Variants in KIAA1217 observed in about 807,000 individuals in gnomAD.
KIAA1217 encodes the protein KIAA1217, also known as sickle tail protein homolog.
Under a neutral mutation model 163.9 loss-of-function variants are expected in KIAA1217, and 88 were observed. The ratio of observed to expected loss-of-function variants is 0.54; its 90% CI spans 0.45 to 0.64. KIAA1217 has a LOEUF of 0.64. KIAA1217 is among the 30% of genes least tolerant of loss of function. The probability of loss-of-function intolerance (pLI) is 0.00; values close to 1 mark genes in which losing one functional copy is unlikely to be tolerated. For synonymous variants in KIAA1217, 903 were observed against 923.1 expected, an observed-to-expected ratio of 0.98 and a Z score of 0.39; for missense variants, 2,372 against 2,475.0, an observed-to-expected ratio of 0.96 and a Z score of 0.88.
chr10:23,712,796 C>T (rs1180784884), intron 1 of KIAA1217, among the ~76,000 whole-genome samples: 1 of 151,962 alleles, frequency 6.6e-6, no homozygotes, highest in African/African-American at 2.4e-5. Context: ...GCTATAAATA[C>T]CAGTTAATTA....
intron 2 of KIAA1217, among the ~76,000 whole-genome samples, chr10:24,273,010 C>T (rs997160627): frequency 2.6e-5 from 4 of 152,150 alleles, no homozygotes; most frequent in Non-Finnish European, 5.9e-5. Flanking sequence ...TGCCCTTCTG[C>T]GCCTTGGACA....
chr10:24,499,715 C>T (rs1278668453), intron 8 of KIAA1217, among the ~76,000 whole-genome samples: 1 of 152,062 alleles, frequency 6.6e-6, no homozygotes, highest in Non-Finnish European at 1.5e-5. Context: ...CTGGACAAGA[C>T]AGAGCGAGAC....
rs143341339 is a variant in KIAA1217 at position 23,930,479 on chromosome 10, C to G, written c.-320-76746C>G. 2.3e-3 allele frequency among the ~76,000 whole-genome samples: 357 copies of G among 152,282 alleles called. 1 individual carries two copies. Among genetic ancestry groups the G allele is most frequent in the African/African-American group, 6.5e-3 (272 of 41,558 alleles). ...TGTTCTACATCCTGTATTATTTGCTCTCAACTCGGCAGCAGACATTTTTTC... is the reference window on the plus strand; with the variant it reads ...TGTTCTACATCCTGTATTATTTGCTGTCAACTCGGCAGCAGACATTTTTTC... On this transcript the variant is annotated intron_variant, in intron 1 of 18. Coordinates refer to the KIAA1217 transcript ENST00000376462.
At chr10:24,143,707 G>C (rs1034309199) in intron 2 of KIAA1217, among the ~76,000 whole-genome samples, 1 of 151,754 alleles carries the variant, frequency 6.6e-6, no homozygotes, top group Non-Finnish European at 1.5e-5. Flanking sequence ...GGAGAACCAG[G>C]GTGTGATTGG....
intron 1 of KIAA1217, among the ~76,000 whole-genome samples, chr10:23,855,210 T>G (rs7894964): frequency 0.025 from 3,749 of 152,232 alleles, 167 homozygotes; most frequent in African/African-American, 0.084. Flanking sequence ...GGCAGGCCTG[T>G]TGGTGACAAA....
At chr10:24,094,903 G>C (rs4748927) in intron 2 of KIAA1217, among the ~76,000 whole-genome samples, 3 of 152,122 alleles carry the variant, frequency 2.0e-5, no homozygotes, top group Admixed American at 2.0e-4. Context: ...CGAGCTTCCC[G>C]GCTGCTTTGT....
intron 3 of KIAA1217, among the ~76,000 whole-genome samples, chr10:24,384,001 G>A (rs1051888886): frequency 3.3e-5 from 5 of 152,196 alleles, no homozygotes; most frequent in Admixed American, 1.3e-4. Flanking sequence ...CGGGTTCCTG[G>A]GATAAACAGT....
intron 1 of KIAA1217, among the ~76,000 whole-genome samples, chr10:23,910,713 C>T (rs1198290273): frequency 6.6e-6 from 1 of 152,188 alleles, no homozygotes. Flanking sequence ...TAAGCTGGTT[C>T]ATCCATTCGA....
Position 24,442,002 on chromosome 10 carries a change from G to C in KIAA1217, c.846+3523G>C, listed in dbSNP as rs186391687. On this transcript the variant is annotated intron_variant, in intron 5 of 20. Coordinates refer to ENST00000376454, the MANE Select transcript of KIAA1217 (RefSeq NM_019590.5). Reference sequence around the variant, plus strand: ...TTCTCCACCTTCTTGTGTGCTTTAAGACAACTTTCCAAGACTCTCTGCTCT... The same window carrying C: ...TTCTCCACCTTCTTGTGTGCTTTAACACAACTTTCCAAGACTCTCTGCTCT... Among the ~76,000 whole-genome samples, 165 of 152,268 alleles carry C rather than the reference G, an allele frequency of 1.1e-3. 1 individual carries two copies. The highest frequency in any genetic ancestry group is 0.01 in the Admixed American group (153 of 15,292).
rs539345985 is a variant in KIAA1217 at position 24,234,270 on chromosome 10, C to CA, written c.354+14376dup. On this transcript the variant is annotated intron_variant, in intron 2 of 20. Transcript: ENST00000376454. ...TATGTACTGCAAATATTCTAAAATC[C>CA]AAAAAAAAAAAAAAATCTGAAACCT... 5.9e-3 allele frequency among the ~76,000 whole-genome samples: 822 copies of CA among 139,410 alleles called. 9 individuals are homozygous for CA. The highest frequency in any genetic ancestry group is 0.014 in the African/African-American group (508 of 37,528). 91.5% of individuals were successfully genotyped at this position (139,410 alleles called of 152,430 possible).
At chr10:24,165,764 A>G (rs142306601) in intron 2 of KIAA1217, among the ~76,000 whole-genome samples, 58 of 152,368 alleles carry the variant, frequency 3.8e-4, no homozygotes, top group African/African-American at 1.4e-3. Flanking sequence ...GAAAAATTAA[A>G]CAAATGAAAC....
At chr10:24,181,432 A>T (rs1362186621) in intron 2 of KIAA1217, among the ~76,000 whole-genome samples, 2 of 152,178 alleles carry the variant, frequency 1.3e-5, no homozygotes, top group Non-Finnish European at 2.9e-5. Flanking sequence ...GACAAGATCA[A>T]CCTAACTTGA....
intron 1 of KIAA1217, among the ~76,000 whole-genome samples, chr10:23,746,573 G>A (rs1261516086): frequency 8.6e-5 from 13 of 152,024 alleles, no homozygotes; most frequent in African/African-American, 1.9e-4. Context: ...ACAGGCGCCC[G>A]CCACCACGCC....
chr10:24,423,723 A>G (rs2058947336), intron 3 of KIAA1217, among the ~76,000 whole-genome samples: 1 of 152,128 alleles, frequency 6.6e-6, no homozygotes, highest in South Asian at 2.1e-4. Context: ...TTTAGTAGAA[A>G]TAGGGTTTCA....
At chr10:23,960,759 A>G (rs552921714) in intron 1 of KIAA1217, among the ~76,000 whole-genome samples, 1 of 152,382 alleles carries the variant, frequency 6.6e-6, no homozygotes, top group Non-Finnish European at 1.5e-5. Flanking sequence ...AAATAGATGA[A>G]TATGGCTAGC....
At chr10:24,096,022 C>T (rs1042918412) in intron 2 of KIAA1217, among the ~76,000 whole-genome samples, 2 of 152,180 alleles carry the variant, frequency 1.3e-5, no homozygotes, top group Non-Finnish European at 2.9e-5. Context: ...ACAGAAAGAT[C>T]GCTTGAGACC....
At chr10:23,758,845 C>G (rs905861722) in intron 1 of KIAA1217, among the ~76,000 whole-genome samples, 52 of 151,636 alleles carry the variant, frequency 3.4e-4, no homozygotes, top group African/African-American at 1.3e-3. Flanking sequence ...TGCTACCACA[C>G]CTGGCTAATT....
intron 1 of KIAA1217, among the ~76,000 whole-genome samples, chr10:23,933,877 G>C (rs1052870361): frequency 4.6e-5 from 7 of 152,108 alleles, no homozygotes; most frequent in Non-Finnish European, 7.4e-5. Context: ...TTATTAAAGA[G>C]TCAGGAAACA....
chr10:23,731,203 G>C (rs1838457938), intron 1 of KIAA1217, among the ~76,000 whole-genome samples: 1 of 152,150 alleles, frequency 6.6e-6, no homozygotes, highest in East Asian at 1.9e-4. Flanking sequence ...TGAGGGAGGG[G>C]AAGGTGGAAC....
Sources: gnomAD v4.1 joint callset for allele counts (sites outside exome capture counted in the v4.1 genomes callset) on GRCh38, gnomAD v4.1.1 for gene constraint, MANE v1.5 for transcripts, NCBI Gene and HGNC (gene_info 2026-07-23, HGNC 2026-07-21) for gene names.